Variants in ROBO1 observed in about 807,000 individuals in gnomAD.
The protein encoded by ROBO1 is roundabout homolog 1.
A neutral mutation model predicts 195.9 loss-of-function variants in ROBO1; 149 were observed. The ratio of observed to expected loss-of-function variants is 0.76; its 90% CI spans 0.67 to 0.87. The LOEUF is 0.87. Ranked by LOEUF, ROBO1 falls within the 40% of genes least tolerant of loss-of-function variation. The pLI is 0.00. For missense variants in ROBO1, 1,933 were observed against 2,068.3 expected (o/e 0.93, Z 1.27); for synonymous variants, 816 against 733.2 (o/e 1.11, Z -1.82).
chr3:79,587,791 AG>A (rs1045562824), intron 2 of ROBO1, among the ~76,000 whole-genome samples: 1 of 151,700 alleles, frequency 6.6e-6, no homozygotes, highest in African/African-American at 2.4e-5. Flanking sequence ...TAATGAAAGG[AG>A]GGGACACTCT....
chr3:79,363,697 C>A (rs1345554217), intron 2 of ROBO1, among the ~76,000 whole-genome samples: 1 of 152,214 alleles, frequency 6.6e-6, no homozygotes, highest in Non-Finnish European at 1.5e-5. Context: ...GAAGCACATA[C>A]ATGGTTTGAC....
At chr3:78,631,037 T>G in intron 25 of ROBO1, 124 bp downstream of exon 25, 1 of 1,058,938 alleles carries the variant, frequency 9.4e-7, no homozygotes, top group Non-Finnish European at 1.3e-6. Flanking sequence ...CTATTTTATT[T>G]AAAGGCAACT....
At chr3:79,147,906 G>T (rs1420813013) in intron 2 of ROBO1, among the ~76,000 whole-genome samples, 1 of 151,868 alleles carries the variant, frequency 6.6e-6, no homozygotes, top group Non-Finnish European at 1.5e-5. Flanking sequence ...TGTTGTTGTT[G>T]TTGTAACTTT....
At chr3:78,873,543 G>A (rs2035665218) in intron 4 of ROBO1, among the ~76,000 whole-genome samples, 1 of 151,874 alleles carries the variant, frequency 6.6e-6, no homozygotes, top group Non-Finnish European at 1.5e-5. Context: ...TCTTACCTAT[G>A]AGTAAATAAA....
intron 2 of ROBO1, among the ~76,000 whole-genome samples, chr3:79,371,381 A>G (rs1262333024): frequency 6.6e-6 from 1 of 152,218 alleles, no homozygotes; most frequent in Non-Finnish European, 1.5e-5. Context: ...TCAAATAAAT[A>G]TAAGATAATG....
chr3:79,269,380 A>T (rs191892127), intron 2 of ROBO1, among the ~76,000 whole-genome samples: 1 of 151,898 alleles, frequency 6.6e-6, no homozygotes, highest in Admixed American at 6.6e-5. Context: ...TCCTTACGCC[A>T]TATAACTATT....
chr3:79,363,281 CT>C, intron 2 of ROBO1, among the ~76,000 whole-genome samples: 1 of 152,274 alleles, frequency 6.6e-6, no homozygotes, highest in South Asian at 2.1e-4. Context: ...CTGTGTATTG[CT>C]TAAAACACTC....
At chr3:78,734,426 G>T (rs1234640794) in intron 5 of ROBO1, among the ~76,000 whole-genome samples, 1 of 150,928 alleles carries the variant, frequency 6.6e-6, no homozygotes, top group Non-Finnish European at 1.5e-5. Flanking sequence ...GCTGGATATG[G>T]TTGCACATAC....
intron 23 of ROBO1, chr3:78,634,405 G>T: frequency 4.5e-6 from 1 of 222,342 alleles, no homozygotes; most frequent in African/African-American, 2.3e-5. Context: ...ATCTTAATTT[G>T]CCCCAGAAAT....
At chr3:79,705,677 C>A (rs551068565) in intron 1 of ROBO1, among the ~76,000 whole-genome samples, 10 of 152,020 alleles carry the variant, frequency 6.6e-5, no homozygotes, top group Admixed American at 3.9e-4. Context: ...TTTGCCTTTT[C>A]ATATAAACCC....
chr3:78,638,647 G>A lies in ROBO1; in HGVS notation c.3037+1097C>T, dbSNP rs373828245. On this transcript the variant is annotated intron_variant, in intron 22 of 30. Coordinates refer to ENST00000464233, the MANE Select transcript of ROBO1 (RefSeq NM_002941.4). ...CACTTTGGGAGGCTGAGGCAGGAGG[G>A]CTGCCTGAGCCCAGGAATTTGAGAC... 2.4e-4 allele frequency among the ~76,000 whole-genome samples: 36 copies of A among 151,166 alleles called. 1 individual carries two copies. Among genetic ancestry groups the A allele is most frequent in the African/African-American group, 8.7e-4 (36 of 41,162 alleles).
chr3:79,348,737 T>C (rs754127328), intron 2 of ROBO1, among the ~76,000 whole-genome samples: 1 of 152,234 alleles, frequency 6.6e-6, no homozygotes, highest in Non-Finnish European at 1.5e-5. Flanking sequence ...GCCTATTTTG[T>C]ATTTTTGAGT....
At chr3:79,464,812 C>T (rs77247252) in intron 2 of ROBO1, among the ~76,000 whole-genome samples, 2,151 of 152,172 alleles carry the variant, frequency 0.014, 50 homozygotes, top group African/African-American at 0.049. Flanking sequence ...GATCAATACT[C>T]TCTGTGAAAA....
intron 3 of ROBO1, among the ~76,000 whole-genome samples, chr3:78,954,838 CTT>C (rs988981695): frequency 1.3e-5 from 2 of 151,810 alleles, no homozygotes; most frequent in Non-Finnish European, 2.9e-5. Flanking sequence ...TAAAAGTACT[CTT>C]ATAACTTATA....
intron 2 of ROBO1, among the ~76,000 whole-genome samples, chr3:79,149,246 T>C (rs2080715684): frequency 6.6e-6 from 1 of 151,940 alleles, no homozygotes; most frequent in Admixed American, 6.6e-5. Flanking sequence ...CTAAGCAAAC[T>C]AGTTATCAGT....
At chr3:78,941,258 G>A (rs982629812) in intron 3 of ROBO1, among the ~76,000 whole-genome samples, 5 of 152,014 alleles carry the variant, frequency 3.3e-5, no homozygotes, top group African/African-American at 9.7e-5. Context: ...CTAAGCTCTA[G>A]AAAAGGAGGA....
At chr3:79,145,450 T>C (rs540988993) in intron 2 of ROBO1, among the ~76,000 whole-genome samples, 3 of 151,764 alleles carry the variant, frequency 2.0e-5, no homozygotes, top group African/African-American at 7.3e-5. Flanking sequence ...TATTATTTAA[T>C]CTTTAAATGT....
At chr3:79,630,340 T>C (rs560843528) in intron 1 of ROBO1, among the ~76,000 whole-genome samples, 19 of 152,106 alleles carry the variant, frequency 1.2e-4, no homozygotes, top group Admixed American at 1.2e-3. Flanking sequence ...GTTCAACATA[T>C]GCAAATCAAT....
intron 2 of ROBO1, among the ~76,000 whole-genome samples, chr3:79,299,999 T>G (rs1177266358): frequency 1.3e-5 from 2 of 152,238 alleles, no homozygotes; most frequent in Non-Finnish European, 2.9e-5. Flanking sequence ...AAATATTTCA[T>G]TTTGAAATGA....
Sources: gnomAD v4.1 joint callset for allele counts (sites outside exome capture counted in the v4.1 genomes callset) on GRCh38, gnomAD v4.1.1 for gene constraint, MANE v1.5 for transcripts, NCBI Gene and HGNC (gene_info 2026-07-23, HGNC 2026-07-21) for gene names.